Variants in SLC12A1 observed in about 807,000 individuals in gnomAD.
SLC12A1 encodes Na-K-2Cl cotransporter.
SLC12A1 carries 89 observed loss-of-function variants against 130.4 expected under a neutral mutation model. That is an observed-to-expected ratio of 0.68 (90% CI 0.58 to 0.81). The LOEUF is 0.81. SLC12A1 is among the 40% of genes least tolerant of loss of function. The pLI is 0.00. For missense variants in SLC12A1, 1,310 were observed against 1,336.4 expected (o/e 0.98, Z 0.31); for synonymous variants, 499 against 460.0 (o/e 1.08, Z -1.09).
At chr15:48,255,700 T>A in intron 15 of SLC12A1, 111 bp from the exon 16 acceptor site, 1 of 708,638 alleles carries the variant, frequency 1.4e-6, no homozygotes, top group Non-Finnish European at 2.4e-6. Context: ...GGCACTCATC[T>A]TTGCTGGCAT....
intron 2 of SLC12A1, among the ~76,000 whole-genome samples, chr15:48,216,512 A>C (rs911479043): frequency 6.6e-6 from 1 of 152,224 alleles, no homozygotes; most frequent in Non-Finnish European, 1.5e-5. Flanking sequence ...CATAGGTTTT[A>C]TTCCCAAGAC....
chr15:48,227,892 C>T (rs2041312842), intron 5 of SLC12A1: 1 of 152,258 alleles, frequency 6.6e-6, no homozygotes, highest in Non-Finnish European at 1.5e-5. Flanking sequence ...ATCCAGCCCA[C>T]CTAGGTAACT....
At chr15:48,261,649 T>C (rs1031732362) in intron 17 of SLC12A1, among the ~76,000 whole-genome samples, 3 of 152,146 alleles carry the variant, frequency 2.0e-5, no homozygotes, top group Admixed American at 1.3e-4. Context: ...GAAGGGGATA[T>C]AGGGGGAGTA....
At chr15:48,222,384 G>T (rs2041227677) in intron 4 of SLC12A1, 1 of 152,008 alleles carries the variant, frequency 6.6e-6, no homozygotes, top group African/African-American at 2.4e-5. Context: ...ACCCAGTATT[G>T]AGTTTCTTGC....
At chr15:48,239,391 A>G (rs974198987) in intron 9 of SLC12A1, among the ~76,000 whole-genome samples, 2 of 152,004 alleles carry the variant, frequency 1.3e-5, no homozygotes, top group Admixed American at 1.3e-4. Flanking sequence ...GCACACACCT[A>G]TCATCCCACC....
intron 9 of SLC12A1, among the ~76,000 whole-genome samples, chr15:48,237,649 T>C (rs374265230): frequency 6.6e-6 from 1 of 152,356 alleles, no homozygotes; most frequent in East Asian, 1.9e-4. Context: ...TTTTATGATT[T>C]TATAATTAGG....
intron 10 of SLC12A1, among the ~76,000 whole-genome samples, chr15:48,243,709 AT>A (rs1375139648): frequency 6.6e-6 from 1 of 152,200 alleles, no homozygotes; most frequent in Admixed American, 6.5e-5. Flanking sequence ...AGTCTCCCAA[AT>A]TCAAGGAATG....
At position 48,291,780 on chromosome 15, in the gene SLC12A1, T is replaced by C. The variant is rs756870470; in HGVS notation, c.2876T>C (p.Met959Thr). 6.5e-7 allele frequency: 1 copy of C among 1,544,082 alleles called. No individual in the cohort carries two copies. Reference protein sequence around the residue: ...INRIEEEKIVMASLLSKFRIK... With the variant: ...INRIEEEKIVTASLLSKFRIK... ...GTATTTTCCTTTTATATTTTCAGAA[T>C]GGCTTCCCTTCTGAGCAAATTTAGG... Residue 959 changes from methionine (M) to threonine (T), a missense_variant and splice_region_variant, in exon 24 of 27, where the codon ATG becomes ACG. Physicochemically the swap from Met to Thr is moderately conservative, Grantham distance 81. Transcript: ENST00000380993.
chr15:48,267,668 C>T lies in SLC12A1; in HGVS notation c.2262C>T (p.Asp754=), dbSNP rs372953090. The T allele has an allele frequency of 4.0e-5, 65 of 1,613,328 alleles. No homozygotes were observed. The highest frequency in any genetic ancestry group is 6.7e-5 in the Admixed American group (4 of 59,982). The change falls in exon 18 of 27, where the codon GAC becomes GAT. Residue 754 remains aspartate (D), a synonymous_variant. Transcript: ENST00000380993. ...IKAFYAAVAA[D]CFRDGVRSLL... ...CTTTTTATGCTGCAGTGGCGGCAGACTGTTTCAGGGATGGTGTCCGAAGTC... is the reference window on the plus strand; with the variant it reads ...CTTTTTATGCTGCAGTGGCGGCAGATTGTTTCAGGGATGGTGTCCGAAGTC...
intron 24 of SLC12A1, among the ~76,000 whole-genome samples, chr15:48,296,891 G>A (rs965519959): frequency 2.0e-5 from 3 of 152,146 alleles, no homozygotes; most frequent in African/African-American, 7.2e-5. Flanking sequence ...TGAACACAGA[G>A]AAGGAGCAGT....
chr15:48,229,182 G>A lies in SLC12A1; in HGVS notation c.725-7G>A, dbSNP rs1401760472. The A allele has an allele frequency of 1.3e-6, 2 of 1,582,250 alleles. No individual in the cohort carries two copies. Among genetic ancestry groups the A allele is most frequent in the African/African-American group, 2.7e-5 (2 of 74,460 alleles). ...TCAATGTGAAGTATGTTCATTTCTT[G>A]TTTCAGGTGGGGCCTACTATCTTAT... On this transcript the variant is annotated splice_region_variant and splice_polypyrimidine_tract_variant and intron_variant, in intron 5 of 26. Coordinates refer to ENST00000380993, the MANE Select transcript of SLC12A1 (RefSeq NM_000338.3).
intron 15 of SLC12A1, among the ~76,000 whole-genome samples, chr15:48,255,168 G>C (rs565977534): frequency 1.3e-5 from 2 of 152,134 alleles, no homozygotes; most frequent in African/African-American, 4.8e-5. Context: ...GGCCAGGCGC[G>C]GTGGCTCACG....
At chr15:48,247,277 C>G (rs986145812) in intron 12 of SLC12A1, 60 bp from the exon 13 acceptor site, 2 of 1,543,606 alleles carry the variant, frequency 1.3e-6, no homozygotes, top group Non-Finnish European at 1.8e-6. Context: ...TTTGAATCAC[C>G]TAGAGAAAAT....
intron 16 of SLC12A1, among the ~76,000 whole-genome samples, chr15:48,256,835 A>C: frequency 4.3e-5 from 2 of 46,608 alleles, no homozygotes; most frequent in African/African-American, 1.7e-4. Context: ...CCCCCCCCCA[A>C]ATTTCTTGTC....
rs906987254 is a variant in SLC12A1 at position 48,240,049 on chromosome 15, C to G, written c.1216-1466C>G. Among the ~76,000 whole-genome samples the G allele has an allele frequency of 3.5e-3, 14 of 3,998 alleles. No individual in the cohort carries two copies. The East Asian group carries it at 0.046, about 13-fold the overall frequency. The allele number at this position is 3,998 out of a possible 152,430, so 2.6% of individuals were successfully genotyped here. ...TATATCCATATATATATATATATAT[C>G]CATATATATATATATATATATCCAT... On this transcript the variant is annotated intron_variant, in intron 9 of 26. Coordinates refer to ENST00000380993, the MANE Select transcript of SLC12A1 (RefSeq NM_000338.3).
intron 24 of SLC12A1, among the ~76,000 whole-genome samples, chr15:48,292,331 T>C (rs2042130481): frequency 6.6e-6 from 1 of 151,864 alleles, no homozygotes; most frequent in South Asian, 2.1e-4. Context: ...TTTTAGGCAC[T>C]AAAGGCCCAA....
chr15:48,280,841 C>T, intron 20 of SLC12A1, among the ~76,000 whole-genome samples: 1 of 152,176 alleles, frequency 6.6e-6, no homozygotes, highest in East Asian at 1.9e-4. Flanking sequence ...ACTTACCACA[C>T]ACACACATAC....
chr15:48,248,311 T>C (rs1471089327), intron 13 of SLC12A1, among the ~76,000 whole-genome samples: 1 of 152,202 alleles, frequency 6.6e-6, no homozygotes, highest in Non-Finnish European at 1.5e-5. Flanking sequence ...TAACTCTCTG[T>C]GTTTGTTAGA....
Position 48,247,035 on chromosome 15 carries a change from C to T in SLC12A1, c.1560+19C>T. The T allele has an allele frequency of 3.3e-6, 5 of 1,519,902 alleles. No individual in the cohort carries two copies. The highest frequency in any genetic ancestry group is 4.6e-6 in the Non-Finnish European group (5 of 1,094,152). The allele number at this position is 1,519,902 out of a possible 1,614,324, so 94.2% of individuals were successfully genotyped here. A position where few individuals can be genotyped will look rare whatever the true frequency, so the allele number is the denominator to read the frequency against. The stretch of plus-strand genomic sequence containing the variant: ...GTTCCAGGTAATACAAGCACAACAG[C>T]TTGTGCTTCTCCCTATTGCTATTTC... On this transcript the variant is annotated intron_variant, in intron 12 of 26. Coordinates refer to ENST00000380993, the MANE Select transcript of SLC12A1 (RefSeq NM_000338.3).
Sources: allele counts gnomAD v4.1 joint callset (sites outside exome capture counted in the v4.1 genomes callset), GRCh38; gene constraint gnomAD v4.1.1; transcripts MANE v1.5; gene names NCBI Gene and HGNC (gene_info 2026-07-23, HGNC 2026-07-21).